Variants in ANKIB1 observed in about 807,000 individuals in gnomAD.
The protein encoded by ANKIB1 is ankyrin repeat and IBR domain containing 1, also known as ankyrin repeat and IBR domain-containing protein 1.
A neutral mutation model predicts 122.1 loss-of-function variants in ANKIB1; 43 were observed. That is an observed-to-expected ratio of 0.35 (90% CI 0.28 to 0.45). ANKIB1 has a LOEUF of 0.45. Ranked by LOEUF, ANKIB1 falls within the 20% of genes least tolerant of loss-of-function variation. The pLI, the probability that ANKIB1 is intolerant of heterozygous loss-of-function variation, is 1.00. For synonymous variants in ANKIB1, 390 were observed against 442.0 expected (o/e 0.88, Z 1.48); for missense variants, 992 against 1,329.5 (o/e 0.75, Z 3.95).
intron 11 of ANKIB1, among the ~76,000 whole-genome samples, chr7:92,377,864 C>T (rs1308779707): frequency 6.6e-6 from 1 of 151,826 alleles, no homozygotes; most frequent in Non-Finnish European, 1.5e-5. Context: ...AGCAATGGGC[C>T]CTGATAGTTT....
At chr7:92,362,868 G>A (rs1423806590) in intron 10 of ANKIB1, among the ~76,000 whole-genome samples, 1 of 152,148 alleles carries the variant, frequency 6.6e-6, no homozygotes, top group East Asian at 1.9e-4. Flanking sequence ...CACAGGGCAT[G>A]TGCCTTGTGA....
At chr7:92,333,696 T>A (rs1803227831) in intron 5 of ANKIB1, among the ~76,000 whole-genome samples, 1 of 152,178 alleles carries the variant, frequency 6.6e-6, no homozygotes, top group Admixed American at 6.6e-5. Flanking sequence ...GCCCGCTACC[T>A]GACATAGTGG....
intron 4 of ANKIB1, among the ~76,000 whole-genome samples, chr7:92,324,019 G>C (rs989951969): frequency 1.3e-5 from 2 of 152,236 alleles, no homozygotes; most frequent in African/African-American, 2.4e-5. Context: ...GGCAAGAACA[G>C]CTGAATAAGG....
intron 9 of ANKIB1, among the ~76,000 whole-genome samples, chr7:92,360,806 C>G (rs1803925327): frequency 6.6e-6 from 1 of 152,104 alleles, no homozygotes. Flanking sequence ...TCTTAATTTC[C>G]TCTTAGTTTT....
intron 1 of ANKIB1, among the ~76,000 whole-genome samples, chr7:92,263,748 A>G (rs1217391148): frequency 6.6e-6 from 1 of 152,194 alleles, no homozygotes; most frequent in East Asian, 1.9e-4. Context: ...ATACATACAT[A>G]CATGTATAGA....
At chr7:92,309,942 A>AAAAAAAAAAAAAATATATAT (rs1335765681) in intron 3 of ANKIB1, among the ~76,000 whole-genome samples, 7 of 91,788 alleles carry the variant, frequency 7.6e-5, no homozygotes, top group East Asian at 4.6e-4. Context: ...AAAAAAAAAA[A>AAAAAAAAAAAAAATATATAT]ATATATATAT....
chr7:92,283,074 A>T (rs548362053), intron 1 of ANKIB1, among the ~76,000 whole-genome samples: 19 of 152,306 alleles, frequency 1.2e-4, no homozygotes, highest in Non-Finnish European at 1.9e-4. Flanking sequence ...AGCTATGTAG[A>T]TCTAAAAGAT....
At position 92,401,344 on chromosome 7, in the gene ANKIB1, T is replaced by C. The variant is rs1805006745; in HGVS notation, c.*2395T>C. 6.6e-6 allele frequency: 1 copy of C among 152,260 alleles called. No individual in the cohort carries two copies. The highest frequency in any genetic ancestry group is 2.1e-4 in the South Asian group (1 of 4,836). The allele number at this position is 152,260 out of a possible 1,614,324, so 9.4% of individuals were successfully genotyped here. ...TTGGCCAAATGAATGCTGTTAATAA[T>C]ATGTAAAATTCTTTGATTAAACATT... is the stretch of plus-strand genomic sequence containing the variant. On this transcript the variant is annotated 3_prime_UTR_variant, in exon 20 of 20. Coordinates refer to ENST00000265742, the MANE Select transcript of ANKIB1 (RefSeq NM_019004.2).
At chr7:92,288,974 CAT>C (rs1802193478) in intron 1 of ANKIB1, among the ~76,000 whole-genome samples, 1 of 152,132 alleles carries the variant, frequency 6.6e-6, no homozygotes, top group South Asian at 2.1e-4. Flanking sequence ...TAAAGTTAAA[CAT>C]ATGACTTAGT....
At chr7:92,397,658 A>G in intron 18 of ANKIB1, 65 bp from the exon 19 acceptor site, 1 of 1,585,516 alleles carries the variant, frequency 6.3e-7, no homozygotes, top group Non-Finnish European at 8.6e-7. Flanking sequence ...AACCAGATGT[A>G]TGAAAAAAAT....
intron 1 of ANKIB1, among the ~76,000 whole-genome samples, chr7:92,279,719 C>T (rs1228909696): frequency 6.6e-6 from 1 of 152,126 alleles, no homozygotes; most frequent in Non-Finnish European, 1.5e-5. Context: ...TTAACATTCC[C>T]AAAAAGCTTG....
Position 92,350,930 on chromosome 7 carries a change from G to A in ANKIB1, c.1086-20G>A, listed in dbSNP as rs777913766. ...CTTAATATCCTTGCTCGTTTGATGT[G>A]CATTGATCCATTTTAATAGGTTTTT... On this transcript the variant is annotated intron_variant, in intron 7 of 19. Transcript: ENST00000265742. 1 of 1,589,872 alleles carries A rather than the reference G, an allele frequency of 6.3e-7. No individual in the cohort carries two copies. The highest frequency in any genetic ancestry group is 8.5e-7 in the Non-Finnish European group (1 of 1,170,220).
intron 1 of ANKIB1, among the ~76,000 whole-genome samples, chr7:92,289,003 C>G (rs1187976461): frequency 6.6e-6 from 1 of 152,142 alleles, no homozygotes; most frequent in Non-Finnish European, 1.5e-5. Context: ...CCCAGCAGTT[C>G]CACTCTTGGA....
Position 92,295,107 on chromosome 7 carries a change from C to G in ANKIB1, c.129C>G (p.Pro43=). ...SLDPNTSYGE[P]YQHNTPLHYA... is the part of the protein sequence containing the mutation. ...ATCCAAATACATCTTATGGGGAGCC[C>G]TACCAGCACAATACTCCATTACATT... is the stretch of plus-strand genomic sequence containing the variant. The change falls in exon 2 of 20, where the codon CCC becomes CCG. Residue 43 remains proline (P), a synonymous_variant. Transcript: ENST00000265742. 1 of 1,578,236 alleles carries G rather than the reference C, an allele frequency of 6.3e-7. No individual in the cohort carries two copies. Among genetic ancestry groups the G allele is most frequent in the Non-Finnish European group, 8.6e-7 (1 of 1,160,982 alleles).
rs912704167 is a variant in ANKIB1 at position 92,269,734 on chromosome 7, T to C, written c.-91+23215T>C. On this transcript the variant is annotated intron_variant, in intron 1 of 19. Coordinates refer to ENST00000265742, the MANE Select transcript of ANKIB1 (RefSeq NM_019004.2). ...TTGGTGTTGTATCTTCTTTCTTCCC[T>C]ATAACTGAAAGTGTTCAACTATCTC... is the stretch of plus-strand genomic sequence containing the variant. Among the ~76,000 whole-genome samples the C allele has an allele frequency of 2.6e-5, 4 of 152,222 alleles. No homozygotes were observed. In the South Asian group the frequency reaches 8.3e-4, roughly 32 times the overall value.
chr7:92,273,051 T>G (rs1801829750), intron 1 of ANKIB1, among the ~76,000 whole-genome samples: 1 of 152,240 alleles, frequency 6.6e-6, no homozygotes, highest in Non-Finnish European at 1.5e-5. Flanking sequence ...GTACAGTATT[T>G]GCCACATAAC....
chr7:92,314,894 C>T (rs1034646631), intron 3 of ANKIB1, among the ~76,000 whole-genome samples: 21 of 151,996 alleles, frequency 1.4e-4, no homozygotes, highest in Non-Finnish European at 8.8e-5. Flanking sequence ...ACTGACAAAG[C>T]GTCTGGGTTT....
intron 9 of ANKIB1, among the ~76,000 whole-genome samples, chr7:92,353,626 C>T (rs1803711910): frequency 6.6e-6 from 1 of 152,134 alleles, no homozygotes; most frequent in Non-Finnish European, 1.5e-5. Flanking sequence ...GGAACTATCC[C>T]TACCCTGGTC....
intron 1 of ANKIB1, among the ~76,000 whole-genome samples, chr7:92,251,347 T>C (rs1490409446): frequency 6.6e-6 from 1 of 152,232 alleles, no homozygotes; most frequent in Non-Finnish European, 1.5e-5. Flanking sequence ...TTCTTGTTAA[T>C]GCGTCCCTTC....
Sources: gnomAD v4.1 joint callset for allele counts (sites outside exome capture counted in the v4.1 genomes callset) on GRCh38, gnomAD v4.1.1 for gene constraint, MANE v1.5 for transcripts, NCBI Gene and HGNC (gene_info 2026-07-23, HGNC 2026-07-21) for gene names.